FKBP15: variants seen among roughly 807,000 people sequenced by gnomAD.
FKBP15 encodes the protein FKBP prolyl isomerase family member 15.
A neutral mutation model predicts 158.1 loss-of-function variants in FKBP15; 106 were observed. The observed-to-expected ratio is 0.67, with a 90% CI of 0.57 to 0.79. FKBP15 has a LOEUF of 0.79. Among genes scored for constraint, FKBP15 ranks in the 30% least tolerant of loss-of-function variants. FKBP15 has a pLI of 0.00. For missense variants in FKBP15, 1,287 were observed against 1,479.1 expected, an observed-to-expected ratio of 0.87 and a Z score of 2.13; for synonymous variants, 547 against 548.6, an observed-to-expected ratio of 1.00 and a Z score of 0.04.
rs182165229 is a variant in FKBP15, at chr9:113,199,039, T to C, written c.649-116A>G. On this transcript the variant is annotated intron_variant, in intron 7 of 27. Transcript: ENST00000238256. ...CTTCTGGAATAGGGAATGTCAAATA[T>C]ACTGGGAAGATAGTTTCTAAAGGAC... 2.3e-3 allele frequency: 1,605 copies of C among 691,786 alleles called. 5 individuals are homozygous for C. The highest frequency in any genetic ancestry group is 3.3e-3 in the Non-Finnish European group (1,298 of 396,260). 42.9% of individuals were successfully genotyped at this position (691,786 alleles called of 1,614,324 possible). A position where few individuals can be genotyped will look rare whatever the true frequency, so the allele number is the denominator to read the frequency against.
chr9:113,212,644 A>C (rs1401943706), intron 1 of FKBP15, among the ~76,000 whole-genome samples: 1 of 152,198 alleles, frequency 6.6e-6, no homozygotes, highest in Non-Finnish European at 1.5e-5. Context: ...TAAGATATCA[A>C]TAAATACTAA....
At position 113,168,574 on chromosome 9, in the gene FKBP15, CAT is replaced by C; in HGVS notation, c.3486-20_3486-19del. The C allele has an allele frequency of 6.2e-7, 1 of 1,609,108 alleles. No homozygotes were observed. Among genetic ancestry groups the C allele is most frequent in the Non-Finnish European group, 8.5e-7 (1 of 1,175,590 alleles). Reference sequence around the variant, plus strand: ...CAGAGAGACTGAAGGAAAATCAAGTCATAGAAAATGTTATTGTTCCTGCTCCA... The same window carrying C: ...CAGAGAGACTGAAGGAAAATCAAGTCAGAAAATGTTATTGTTCCTGCTCCA... On this transcript the variant is annotated intron_variant, in intron 26 of 27. Transcript: ENST00000238256.
chr9:113,176,617 G>T lies in FKBP15; in HGVS notation c.2143C>A (p.Arg715=). 1.9e-6 allele frequency: 3 copies of T among 1,601,310 alleles called. No homozygotes were observed. The highest frequency in any genetic ancestry group is 2.6e-6 in the Non-Finnish European group (3 of 1,172,544). Reference sequence around the variant, plus strand: ...GTCACCTTGAGTTCCAGTTGTTTCCGGTTCTGCTTTTCACTTTTGAATTTG... The same window carrying T: ...GTCACCTTGAGTTCCAGTTGTTTCCTGTTCTGCTTTTCACTTTTGAATTTG... The part of the protein sequence containing the change: ...QSKFKSEKQN[R]KQLELKVTSL... Residue 715 remains arginine (R), a synonymous_variant, in exon 21 of 28, where the codon CGG becomes AGG. Transcript: ENST00000238256.
chr9:113,215,490 C>A lies in FKBP15; in HGVS notation c.54-3898G>T, dbSNP rs185460656. On this transcript the variant is annotated intron_variant, in intron 1 of 27. Coordinates refer to ENST00000238256, the MANE Select transcript of FKBP15 (RefSeq NM_015258.2). The stretch of plus-strand genomic sequence containing the variant: ...TTTGTGGCAACAACAATTACAGTAA[C>A]ACCAAAGATCACACCATAACAGATA... 1.6e-4 allele frequency among the ~76,000 whole-genome samples: 24 copies of A among 151,654 alleles called. No individual in the cohort carries two copies. In the East Asian group the frequency reaches 4.1e-3, roughly 26 times the overall value.
At chr9:113,181,162 A>G (rs1414791177) in intron 19 of FKBP15, among the ~76,000 whole-genome samples, 4 of 152,230 alleles carry the variant, frequency 2.6e-5, no homozygotes, top group Admixed American at 2.6e-4. Context: ...GTTGTGGCAG[A>G]TATTAGCTGT....
chr9:113,182,883 G>C lies in FKBP15; in HGVS notation c.1812-15C>G, dbSNP rs763829411. On this transcript the variant is annotated splice_polypyrimidine_tract_variant and intron_variant, in intron 18 of 27. Transcript: ENST00000238256. ...GCTCAACATACCTGTGAAAGAAATA[G>C]AGAAAAAGAAAACATTTATCAAGCA... is the stretch of plus-strand genomic sequence containing the variant. 1.2e-6 allele frequency: 2 copies of C among 1,605,766 alleles called. No homozygotes were observed. Among genetic ancestry groups the C allele is most frequent in the Non-Finnish European group, 8.5e-7 (1 of 1,172,706 alleles).
chr9:113,161,970 G>T lies in FKBP15; in HGVS notation c.*4108C>A. 3.7e-6 allele frequency: 2 copies of T among 539,670 alleles called. No homozygotes were observed. Among genetic ancestry groups the T allele is most frequent in the Middle Eastern group, 4.1e-4 (1 of 2,434 alleles). The allele number at this position is 539,670 out of a possible 1,614,324, so 33.4% of individuals were successfully genotyped here. A position where few individuals can be genotyped will look rare whatever the true frequency, so the allele number is the denominator to read the frequency against. On this transcript the variant is annotated 3_prime_UTR_variant, in exon 28 of 28. Coordinates refer to ENST00000238256, the MANE Select transcript of FKBP15 (RefSeq NM_015258.2). ...ATCTTCAGGTGCAGGCCCCTATCTA[G>T]CAAATGAGGTGGCCACCCACCCTCC...
intron 23 of FKBP15, among the ~76,000 whole-genome samples, chr9:113,172,748 C>T (rs1160860927): frequency 2.0e-5 from 3 of 152,240 alleles, no homozygotes; most frequent in African/African-American, 7.2e-5. Context: ...TCAGCATTAA[C>T]AGCAACCCAT....
At chr9:113,168,831 C>A (rs916920182) in intron 26 of FKBP15, among the ~76,000 whole-genome samples, 2 of 152,220 alleles carry the variant, frequency 1.3e-5, no homozygotes, top group African/African-American at 4.8e-5. Context: ...TGGAACAACT[C>A]CTTTAGAATA....
chr9:113,193,529 T>G lies in FKBP15; in HGVS notation c.1028A>C (p.Lys343Thr). Residue 343 changes from lysine (K) to threonine (T), a missense_variant, in exon 11 of 28, where the codon AAA becomes ACA. Transcript: ENST00000238256. Reference sequence around the variant, plus strand: ...AAGTTGTTCACTGAGGGAGTTAGATTTGGTACGAAGAGCTGGCTCCCTGAA... The same window carrying G: ...AAGTTGTTCACTGAGGGAGTTAGATGTGGTACGAAGAGCTGGCTCCCTGAA... ...FKSGEPALRT[K>T]SNSLSEQLAI... 1 of 1,599,838 alleles carries G rather than the reference T, an allele frequency of 6.3e-7. No individual in the cohort carries two copies. The highest frequency in any genetic ancestry group is 2.2e-5 in the East Asian group (1 of 44,524).
chr9:113,177,706 A>G (rs760310570), intron 20 of FKBP15, among the ~76,000 whole-genome samples: 5 of 152,196 alleles, frequency 3.3e-5, no homozygotes, highest in Non-Finnish European at 7.3e-5. Context: ...ATTGTTTTTT[A>G]GTTCTCTATT....
chr9:113,192,715 T>C (rs946844345), intron 11 of FKBP15, among the ~76,000 whole-genome samples: 1 of 152,170 alleles, frequency 6.6e-6, no homozygotes, highest in Non-Finnish European at 1.5e-5. Context: ...GACACAATAC[T>C]AAAAACTCCA....
chr9:113,208,339 A>T (rs1302369200), intron 2 of FKBP15, among the ~76,000 whole-genome samples: 2 of 152,222 alleles, frequency 1.3e-5, no homozygotes, highest in Non-Finnish European at 2.9e-5. Flanking sequence ...TCCGTCTCAA[A>T]AAAAACAAAA....
chr9:113,162,955 A>G lies in FKBP15; in HGVS notation c.*3123T>C. Reference sequence around the variant, plus strand: ...GTGCAGGCACTGAGGCTGGAGGGACATGGAGCCCCCTCTTCCAGACACTAT... The same window carrying G: ...GTGCAGGCACTGAGGCTGGAGGGACGTGGAGCCCCCTCTTCCAGACACTAT... On this transcript the variant is annotated 3_prime_UTR_variant, in exon 28 of 28. Transcript: ENST00000238256. 1.9e-6 allele frequency: 3 copies of G among 1,538,544 alleles called. No homozygotes were observed. Among genetic ancestry groups the G allele is most frequent in the Non-Finnish European group, 2.6e-6 (3 of 1,139,620 alleles).
At chr9:113,218,298 A>G (rs573716502) in intron 1 of FKBP15, among the ~76,000 whole-genome samples, 1 of 151,258 alleles carries the variant, frequency 6.6e-6, no homozygotes, top group South Asian at 2.1e-4. Context: ...GATCTTGGGC[A>G]ATTTACCTCT....
In FKBP15 at chr9:113,161,572, G is replaced by A; in HGVS notation, c.*4506C>T. 2 of 1,614,012 alleles carry A rather than the reference G, an allele frequency of 1.2e-6. No homozygotes were observed. The highest frequency in any genetic ancestry group is 1.7e-6 in the Non-Finnish European group (2 of 1,179,896). On this transcript the variant is annotated 3_prime_UTR_variant, in exon 28 of 28. Transcript: ENST00000238256. ...GTACTGTATGAAGGCATCAAGGTTGGCAAAGCCAAGCTGCTCAACCAGGTA... is the reference window on the plus strand; with the variant it reads ...GTACTGTATGAAGGCATCAAGGTTGACAAAGCCAAGCTGCTCAACCAGGTA...
Position 113,184,846 on chromosome 9 carries a change from C to T in FKBP15, c.1499-42G>A. 6.8e-7 allele frequency: 1 copy of T among 1,461,320 alleles called. No homozygotes were observed. Among genetic ancestry groups the T allele is most frequent in the South Asian group, 1.2e-5 (1 of 82,388 alleles). 90.5% of individuals were successfully genotyped at this position (1,461,320 alleles called of 1,614,324 possible). A position where few individuals can be genotyped will look rare whatever the true frequency, so the allele number is the denominator to read the frequency against. On this transcript the variant is annotated intron_variant, in intron 15 of 27. Transcript: ENST00000238256. This position sits in a 1 kb window ranked among gnomAD's most constrained non-coding sequence, Gnocchi z 4.5. ...CAAAAAGAAACTTATGAAACTGGAGCAGAGGAAACTGTATGAAGAAAAGCT... is the reference window on the plus strand; with the variant it reads ...CAAAAAGAAACTTATGAAACTGGAGTAGAGGAAACTGTATGAAGAAAAGCT...
intron 1 of FKBP15, among the ~76,000 whole-genome samples, chr9:113,217,672 T>C (rs1291234662): frequency 1.3e-5 from 2 of 151,912 alleles, no homozygotes; most frequent in African/African-American, 4.8e-5. Context: ...CAAGAACCCA[T>C]CTTTACAAAA....
At chr9:113,188,567 A>T (rs1369335330) in intron 12 of FKBP15, 76 bp from the exon 13 acceptor site, 1 of 1,188,280 alleles carries the variant, frequency 8.4e-7, no homozygotes, top group Non-Finnish European at 1.2e-6. Flanking sequence ...GTCTGCCCTA[A>T]ACCTGCTTCC....
Sources: allele counts gnomAD v4.1 joint callset (sites outside exome capture counted in the v4.1 genomes callset), GRCh38; gene constraint gnomAD v4.1.1; non-coding constraint Gnocchi (gnomAD v3.1); transcripts MANE v1.5; gene names NCBI Gene and HGNC (gene_info 2026-07-23, HGNC 2026-07-21).